SMAD7: variants seen among roughly 807,000 people sequenced by gnomAD.
The protein encoded by SMAD7 is MAD (mothers against decapentaplegic, Drosophila) homolog 7.
Under a neutral mutation model 38.7 loss-of-function variants are expected in SMAD7, and 8 were observed. The observed-to-expected ratio is 0.21, with a 90% CI of 0.12 to 0.37. SMAD7 has a LOEUF of 0.37. Ranked by LOEUF, SMAD7 falls within the 10% of genes least tolerant of loss-of-function variation. SMAD7 has a pLI of 1.00. For missense variants in SMAD7, 477 were observed against 577.9 expected, an observed-to-expected ratio of 0.83 and a Z score of 1.79; for synonymous variants, 327 against 265.1, an observed-to-expected ratio of 1.23 and a Z score of -2.27.
chr18:48,937,098 T>C (rs953833194), intron 3 of SMAD7, among the ~76,000 whole-genome samples: 1 of 151,272 alleles, frequency 6.6e-6, no homozygotes, highest in Admixed American at 6.6e-5. Context: ...AAAAAAAAAA[T>C]TAAAACATTA....
intron 3 of SMAD7, among the ~76,000 whole-genome samples, chr18:48,941,339 TTG>T (rs2070137212): frequency 6.6e-6 from 1 of 152,146 alleles, no homozygotes; most frequent in Non-Finnish European, 1.5e-5. Context: ...ATATATTGCA[TTG>T]AAATGAAAAC....
intron 1 of SMAD7, chr18:48,949,138 G>T (rs942046236): frequency 1.3e-5 from 3 of 235,900 alleles, no homozygotes; most frequent in African/African-American, 4.6e-5. Flanking sequence ...TATCTGTGCG[G>T]AAGGAAGGAA....
chr18:48,921,294 C>T lies in SMAD7; in HGVS notation c.*78G>A, dbSNP rs2069855701. ...AAAGAGTTTGCATGAAAAGCAAGCACTCAGGAGGAAAATATTAGCAGCAAA... is the reference window on the plus strand; with the variant it reads ...AAAGAGTTTGCATGAAAAGCAAGCATTCAGGAGGAAAATATTAGCAGCAAA... On this transcript the variant is annotated 3_prime_UTR_variant, in exon 4 of 4. Coordinates refer to ENST00000262158, the MANE Select transcript of SMAD7 (RefSeq NM_005904.4). The surrounding 1 kb of genome is among the most constrained non-coding windows in gnomAD (Gnocchi z 6.4). 1.5e-6 allele frequency: 2 copies of T among 1,319,982 alleles called. No homozygotes were observed. The highest frequency in any genetic ancestry group is 2.3e-5 in the Admixed American group (1 of 42,584). 81.8% of individuals were successfully genotyped at this position (1,319,982 alleles called of 1,614,324 possible).
chr18:48,937,482 G>GCAGCCCAA (rs2143795410), intron 3 of SMAD7, among the ~76,000 whole-genome samples: 1 of 152,282 alleles, frequency 6.6e-6, no homozygotes, highest in East Asian at 1.9e-4. Flanking sequence ...TTGCTCCAGA[G>GCAGCCCAA]ATTTTAAATG....
intron 3 of SMAD7, among the ~76,000 whole-genome samples, chr18:48,941,338 A>C (rs1029075662): frequency 6.6e-6 from 1 of 152,190 alleles, no homozygotes; most frequent in Admixed American, 6.5e-5. Flanking sequence ...TATATATTGC[A>C]TTGAAATGAA....
intron 3 of SMAD7, among the ~76,000 whole-genome samples, chr18:48,925,472 T>G (rs1278113446): frequency 6.6e-6 from 1 of 151,306 alleles, no homozygotes; most frequent in South Asian, 2.1e-4. Flanking sequence ...AAGCATAAAA[T>G]CCTCCCTTTA....
At chr18:48,927,551 G>T (rs954140136) in intron 3 of SMAD7, among the ~76,000 whole-genome samples, 2 of 152,116 alleles carry the variant, frequency 1.3e-5, no homozygotes, top group African/African-American at 4.8e-5. Flanking sequence ...CACCAACCTC[G>T]CATGCAGCCT....
intron 3 of SMAD7, among the ~76,000 whole-genome samples, chr18:48,940,899 C>T (rs906143534): frequency 4.1e-4 from 62 of 152,114 alleles, no homozygotes; most frequent in African/African-American, 1.4e-3. Context: ...AGGCTGGTAT[C>T]TCAGCCTGGT....
At position 48,949,903 on chromosome 18, in the gene SMAD7, G is replaced by A. The variant is rs768564558; in HGVS notation, c.522C>T (p.Val174=). The change falls in exon 1 of 4, where the codon GTC becomes GTT. Residue 174 remains valine (V), a synonymous_variant. Transcript: ENST00000262158. The part of the protein sequence containing the change: ...RWPDLRHSSE[V]KRLCCCESYG... ...AAGATTCACAGCAACACAGCCTCTTGACTTCCGAGGAATGCCTGAGATCCG... is the reference window on the plus strand; with the variant it reads ...AAGATTCACAGCAACACAGCCTCTTAACTTCCGAGGAATGCCTGAGATCCG... The A allele has an allele frequency of 6.2e-7, 1 of 1,613,760 alleles. No homozygotes were observed. The highest frequency in any genetic ancestry group is 1.1e-5 in the South Asian group (1 of 91,058).
At chr18:48,933,392 C>A (rs1033980893) in intron 3 of SMAD7, among the ~76,000 whole-genome samples, 1 of 152,216 alleles carries the variant, frequency 6.6e-6, no homozygotes. Context: ...ACATCACCTT[C>A]GGACAAGCCA....
intron 2 of SMAD7, among the ~76,000 whole-genome samples, chr18:48,943,103 C>T (rs2070160619): frequency 6.6e-6 from 1 of 152,196 alleles, no homozygotes; most frequent in Non-Finnish European, 1.5e-5. Context: ...CAAGTAGACG[C>T]AATGAATGTT....
chr18:48,950,131 C>A lies in SMAD7; in HGVS notation c.294G>T (p.Ser98=). 1 of 1,495,338 alleles carries A rather than the reference C, an allele frequency of 6.7e-7. No homozygotes were observed. Among genetic ancestry groups the A allele is most frequent in the Non-Finnish European group, 8.9e-7 (1 of 1,126,200 alleles). The allele number at this position is 1,495,338 out of a possible 1,614,324, so 92.6% of individuals were successfully genotyped here. ...GCCGCTCCTTCAGTTTCTTGAGCAC[C>A]GAGTGCGTGAGCGCCTTCAGATCCG... The part of the protein sequence containing the change: ...AEADLKALTH[S]VLKKLKERQL... The change falls in exon 1 of 4, where the codon TCG becomes TCT. Residue 98 remains serine (S), a synonymous_variant. Transcript: ENST00000262158.
At chr18:48,940,704 A>G (rs2143804037) in intron 3 of SMAD7, among the ~76,000 whole-genome samples, 1 of 152,130 alleles carries the variant, frequency 6.6e-6, no homozygotes, top group East Asian at 1.9e-4. Context: ...GTGAGCCGAA[A>G]TCGGGCCACT....
At chr18:48,940,833 A>C (rs2070130276) in intron 3 of SMAD7, among the ~76,000 whole-genome samples, 1 of 150,554 alleles carries the variant, frequency 6.6e-6, no homozygotes. Context: ...AAAAAAGCCC[A>C]CCCATCTCCT....
chr18:48,946,110 C>T (rs192715374), intron 2 of SMAD7, among the ~76,000 whole-genome samples: 5 of 152,264 alleles, frequency 3.3e-5, no homozygotes, highest in Middle Eastern at 3.4e-3. Flanking sequence ...GGGTACCAGG[C>T]CCCAGCCCCA....
chr18:48,925,435 C>CT (rs61045794), intron 3 of SMAD7, among the ~76,000 whole-genome samples: 2 of 151,614 alleles, frequency 1.3e-5, no homozygotes, highest in Non-Finnish European at 2.9e-5. Context: ...AGGTGTTGCC[C>CT]CCCCCCAACC....
chr18:48,941,913 C>T (rs1327107656), intron 3 of SMAD7, among the ~76,000 whole-genome samples: 4 of 152,204 alleles, frequency 2.6e-5, no homozygotes, highest in Admixed American at 6.5e-5. Context: ...GGAACAATTA[C>T]AGCTCCTACT....
chr18:48,932,865 C>T (rs1205759849), intron 3 of SMAD7, among the ~76,000 whole-genome samples: 1 of 152,176 alleles, frequency 6.6e-6, no homozygotes, highest in African/African-American at 2.4e-5. Flanking sequence ...AAGGGAAAGT[C>T]ACTCCTGGGC....
At chr18:48,924,933 T>C (rs993996594) in intron 3 of SMAD7, among the ~76,000 whole-genome samples, 13 of 152,240 alleles carry the variant, frequency 8.5e-5, no homozygotes, top group African/African-American at 2.7e-4. Context: ...CCCTTTGCCC[T>C]GAATTCCCCG....
Sources: gnomAD v4.1 joint callset for allele counts (sites outside exome capture counted in the v4.1 genomes callset) on GRCh38, gnomAD v4.1.1 for gene constraint, Gnocchi (gnomAD v3.1) non-coding constraint, MANE v1.5 for transcripts, NCBI Gene and HGNC (gene_info 2026-07-23, HGNC 2026-07-21) for gene names.